The following TENM4 variants were observed in gnomAD, a reference collection of about 807,000 sequenced individuals.
The protein encoded by TENM4 is teneurin transmembrane protein 4.
In TENM4, 82 loss-of-function variants were observed where a neutral mutation model predicts 243.3. That is an observed-to-expected ratio of 0.34 (90% CI 0.28 to 0.40). TENM4 has a LOEUF of 0.40. Among genes scored for constraint, TENM4 ranks in the 10% least tolerant of loss-of-function variants. The probability of loss-of-function intolerance (pLI) is 1.00; values close to 1 mark genes in which losing one functional copy is unlikely to be tolerated. For synonymous variants in TENM4, 1,412 were observed against 1,456.3 expected, an observed-to-expected ratio of 0.97 and a Z score of 0.69; for missense variants, 3,138 against 3,673.3, an observed-to-expected ratio of 0.85 and a Z score of 3.77.
chr11:79,224,323 C>T lies in TENM4; in HGVS notation c.-264-8414G>A, dbSNP rs143181467. ...ACCTTAACAACGCCGAGTTAGTCAT[C>T]GTTCCAGACCCGGTTTCTTCCCTTG... On this transcript the variant is annotated intron_variant, in intron 2 of 33. Transcript: ENST00000278550. 1.2e-3 allele frequency among the ~76,000 whole-genome samples: 180 copies of T among 152,260 alleles called. 1 individual carries two copies. Among genetic ancestry groups the T allele is most frequent in the African/African-American group, 4.1e-3 (172 of 41,556 alleles).
intron 6 of TENM4, among the ~76,000 whole-genome samples, chr11:78,944,721 A>G (rs1437741974): frequency 1.3e-5 from 2 of 152,180 alleles, no homozygotes; most frequent in Non-Finnish European, 2.9e-5. Flanking sequence ...CTGTTCATTA[A>G]ATGCTTTCTA....
intron 1 of TENM4, among the ~76,000 whole-genome samples, chr11:79,401,761 G>A (rs1302116361): frequency 2.0e-5 from 3 of 152,178 alleles, no homozygotes; most frequent in African/African-American, 7.2e-5. Flanking sequence ...CTTTGATCTG[G>A]GGGACCAAGT....
chr11:79,369,493 A>G (rs543615281), intron 1 of TENM4, among the ~76,000 whole-genome samples: 1 of 152,334 alleles, frequency 6.6e-6, no homozygotes, highest in East Asian at 1.9e-4. Context: ...GGGCACTTCA[A>G]TAGAACAGGT....
At chr11:79,302,390 G>T (rs938482915) in intron 1 of TENM4, among the ~76,000 whole-genome samples, 14 of 152,292 alleles carry the variant, frequency 9.2e-5, no homozygotes, top group African/African-American at 2.6e-4. Context: ...CATGTCTCAT[G>T]CTTTTCTGCA....
At chr11:79,373,705 T>C (rs541208287) in intron 1 of TENM4, among the ~76,000 whole-genome samples, 4 of 152,246 alleles carry the variant, frequency 2.6e-5, no homozygotes, top group South Asian at 4.2e-4. Flanking sequence ...TTTTTCTTAA[T>C]CTAAAAGGTA....
At chr11:78,890,951 A>T (rs187481042) in intron 8 of TENM4, among the ~76,000 whole-genome samples, 103 of 152,316 alleles carry the variant, frequency 6.8e-4, no homozygotes, top group Middle Eastern at 3.4e-3. Flanking sequence ...AGTCCATACA[A>T]TACAGGGCCT....
intron 3 of TENM4, among the ~76,000 whole-genome samples, chr11:79,188,966 T>C (rs1402225583): frequency 6.6e-6 from 1 of 152,214 alleles, no homozygotes; most frequent in East Asian, 1.9e-4. Context: ...CTAGTCCTCA[T>C]GGAAATTATT....
intron 2 of TENM4, among the ~76,000 whole-genome samples, chr11:79,245,771 C>A (rs1218766075): frequency 6.6e-6 from 1 of 151,762 alleles, no homozygotes; most frequent in Non-Finnish European, 1.5e-5. Flanking sequence ...GAAACCCTGT[C>A]TCTAATACAA....
intron 6 of TENM4, among the ~76,000 whole-genome samples, chr11:78,989,391 A>G (rs112766880): frequency 5.3e-4 from 1 of 1,888 alleles, no homozygotes; most frequent in African/African-American, 6.8e-4. Flanking sequence ...GAGCCACATA[A>G]TATTTTTTGG....
intron 2 of TENM4, among the ~76,000 whole-genome samples, chr11:79,260,528 C>T (rs1040909138): frequency 3.9e-5 from 6 of 152,166 alleles, no homozygotes; most frequent in Admixed American, 6.5e-5. Flanking sequence ...TGATTTACTT[C>T]AGGTAATGGA....
At chr11:79,072,967 A>G (rs1020856816) in intron 4 of TENM4, among the ~76,000 whole-genome samples, 5 of 152,240 alleles carry the variant, frequency 3.3e-5, no homozygotes, top group Non-Finnish European at 5.9e-5. Context: ...ATGATTATAT[A>G]TAACATCTTT....
At position 79,263,275 on chromosome 11, in the gene TENM4, G is replaced by A. The variant is rs181665134; in HGVS notation, c.-265+34213C>T. 3.5e-4 allele frequency among the ~76,000 whole-genome samples: 54 copies of A among 152,338 alleles called. 1 individual carries two copies. Among genetic ancestry groups the A allele is most frequent in the African/African-American group, 1.2e-3 (49 of 41,580 alleles). On this transcript the variant is annotated intron_variant, in intron 2 of 33. Coordinates refer to ENST00000278550, the MANE Select transcript of TENM4 (RefSeq NM_001098816.3). The stretch of plus-strand genomic sequence containing the variant: ...CTAGCAAGAGCAGAGACTTTGCTGG[G>A]CTGAGAAGAAGGAAGCTGAGTTCAC...
chr11:79,353,717 C>A (rs1169142357), intron 1 of TENM4, among the ~76,000 whole-genome samples: 2 of 149,722 alleles, frequency 1.3e-5, no homozygotes, highest in Non-Finnish European at 2.9e-5. Flanking sequence ...TCATGATCAA[C>A]CAGCCAGAGA....
chr11:78,772,331 A>C (rs1856662054), intron 17 of TENM4, among the ~76,000 whole-genome samples: 1 of 152,100 alleles, frequency 6.6e-6, no homozygotes, highest in Non-Finnish European at 1.5e-5. Context: ...GTTTTCACTC[A>C]AGTCCTTATA....
intron 6 of TENM4, among the ~76,000 whole-genome samples, chr11:78,977,634 C>G (rs920610833): frequency 4.6e-5 from 7 of 152,284 alleles, no homozygotes; most frequent in Non-Finnish European, 7.4e-5. Flanking sequence ...TAGAGAAATG[C>G]AAATCAAAAC....
chr11:78,704,101 ATG>A (rs990989611), intron 27 of TENM4, among the ~76,000 whole-genome samples: 6 of 138,552 alleles, frequency 4.3e-5, no homozygotes, highest in East Asian at 4.3e-4. Flanking sequence ...ATACATATGT[ATG>A]TGTGTGTGTC....
chr11:79,263,930 C>T (rs1255078476), intron 2 of TENM4, among the ~76,000 whole-genome samples: 1 of 152,174 alleles, frequency 6.6e-6, no homozygotes, highest in Non-Finnish European at 1.5e-5. Flanking sequence ...CTTCGCATCC[C>T]TTGAATATGG....
At position 78,669,443 on chromosome 11, in the gene TENM4, G is replaced by C. The variant is rs373818555; in HGVS notation, c.6902C>G (p.Ser2301Cys). 2.2e-5 allele frequency: 36 copies of C among 1,612,740 alleles called. 1 individual carries two copies. In the African/African-American group the frequency reaches 4.7e-4, roughly 21 times the overall value. ...YRYDGLGRRV[S>C]SKSSHSHHLQ... ...GTGGTGGCTGTGGCTGCTCTTGCTG[G>C]ACACGCGCCGCCCCAGGCCATCGTA... The change falls in exon 32 of 34, where the codon TCC becomes TGC. Residue 2301 changes from serine (S) to cysteine (C), a missense_variant. By Grantham distance (112) the Ser-to-Cys change is moderately radical. Transcript: ENST00000278550. This position sits in a 1 kb window ranked among gnomAD's most constrained non-coding sequence, Gnocchi z 6.4.
chr11:78,878,122 T>C (rs1859318544), intron 9 of TENM4, among the ~76,000 whole-genome samples: 1 of 152,214 alleles, frequency 6.6e-6, no homozygotes, highest in African/African-American at 2.4e-5. Context: ...CCACCTTTGA[T>C]CTCTGTGAGA....
Sources: allele counts gnomAD v4.1 joint callset (sites outside exome capture counted in the v4.1 genomes callset), GRCh38; gene constraint gnomAD v4.1.1; non-coding constraint Gnocchi (gnomAD v3.1); transcripts MANE v1.5; gene names NCBI Gene and HGNC (gene_info 2026-07-23, HGNC 2026-07-21).